The following DISP3 variants were observed in gnomAD, a reference collection of about 807,000 sequenced individuals.
DISP3 encodes the protein protein dispatched homolog 3.
A neutral mutation model predicts 135.3 loss-of-function variants in DISP3; 101 were observed. That is an observed-to-expected ratio of 0.75 (90% confidence interval 0.64 to 0.88). The LOEUF (loss-of-function observed/expected upper bound fraction) is 0.88. Ranked by LOEUF, DISP3 falls within the 40% of genes least tolerant of loss-of-function variation. DISP3 has a pLI of 0.00. For synonymous variants in DISP3, 856 were observed against 817.0 expected (o/e 1.05, Z -0.81); for missense variants, 1,713 against 1,878.6 (o/e 0.91, Z 1.63).
At position 11,483,289 on chromosome 1, in the gene DISP3, G is replaced by A. The variant is rs960222237; in HGVS notation, c.-4+3917G>A. Among the ~76,000 whole-genome samples, 8 of 152,342 alleles carry A rather than the reference G, an allele frequency of 5.3e-5. No individual in the cohort carries two copies. In the South Asian group the frequency reaches 8.3e-4, roughly 16 times the overall value. ...CATGGCTGATGGCCTCAGGTCCTCC[G>A]CCTTATGATGGGAGGCTGGTGATAA... On this transcript the variant is annotated intron_variant, in intron 1 of 20. Transcript: ENST00000294484. This position sits in a 1 kb window ranked among gnomAD's most constrained non-coding sequence, Gnocchi z 5.4.
At chr1:11,525,378 A>G in intron 12 of DISP3, 66 bp downstream of exon 12, 1 of 1,549,870 alleles carries the variant, frequency 6.5e-7, no homozygotes, top group Admixed American at 1.9e-5. Context: ...TCAGGGCCAC[A>G]CTGGTGGGCA....
rs188822901 is a variant in DISP3 at position 11,488,843 on chromosome 1, C to G, written c.-4+9471C>G. On this transcript the variant is annotated intron_variant, in intron 1 of 20. Transcript: ENST00000294484. ...ATAAGTCCCTTCACTTCCTTAGCCTCAGTTTTCTTGTCTGCAAATTGGAAA... is the reference window on the plus strand; with the variant it reads ...ATAAGTCCCTTCACTTCCTTAGCCTGAGTTTTCTTGTCTGCAAATTGGAAA... 1.1e-4 allele frequency among the ~76,000 whole-genome samples: 17 copies of G among 152,340 alleles called. No homozygotes were observed. In the East Asian group the frequency reaches 3.3e-3, roughly 29 times the overall value.
rs1189225634 is a variant in DISP3 at position 11,530,770 on chromosome 1, G to T, written c.3103-137G>T. 5.5e-5 allele frequency: 66 copies of T among 1,204,140 alleles called. 1 individual carries two copies. The South Asian group carries it at 8.0e-4, about 15-fold the overall frequency. The allele number at this position is 1,204,140 out of a possible 1,614,324, so 74.6% of individuals were successfully genotyped here. A position where few individuals can be genotyped will look rare whatever the true frequency, so the allele number is the denominator to read the frequency against. On this transcript the variant is annotated intron_variant, in intron 15 of 20. Transcript: ENST00000294484. Reference sequence around the variant, plus strand: ...GTTAGGGTGGAGCAGTGGGTGAGCAGTTGCAGGCTGCCAACATGAGGGTGA... The same window carrying T: ...GTTAGGGTGGAGCAGTGGGTGAGCATTTGCAGGCTGCCAACATGAGGGTGA...
intron 3 of DISP3, among the ~76,000 whole-genome samples, chr1:11,503,567 C>T (rs1641614571): frequency 6.6e-6 from 1 of 152,106 alleles, no homozygotes; most frequent in African/African-American, 2.4e-5. Flanking sequence ...TGTCCCAGCT[C>T]CAGGGGGGAA....
chr1:11,521,443 G>A (rs561171065), intron 10 of DISP3, among the ~76,000 whole-genome samples: 3 of 130,410 alleles, frequency 2.3e-5, no homozygotes, highest in African/African-American at 8.8e-5. Context: ...GCTGGGAGGG[G>A]AGAGGAGGGA....
chr1:11,531,081 CTG>C lies in DISP3; in HGVS notation c.3229+49_3229+50del. ...GTTCCTCCGAGGGAGGATGGACTGACTGGGGAGGCACAGAGGCCGTGGTCCAA... is the reference window on the plus strand; with the variant it reads ...GTTCCTCCGAGGGAGGATGGACTGACGGGAGGCACAGAGGCCGTGGTCCAA... On this transcript the variant is annotated intron_variant, in intron 16 of 20. Transcript: ENST00000294484. This position sits in a 1 kb window ranked among gnomAD's most constrained non-coding sequence, Gnocchi z 5.2. The C allele has an allele frequency of 6.2e-7, 1 of 1,606,394 alleles. No individual in the cohort carries two copies. Among genetic ancestry groups the C allele is most frequent in the East Asian group, 2.2e-5 (1 of 44,822 alleles).
Position 11,529,795 on chromosome 1 carries a change from G to A in DISP3, c.2938G>A (p.Ala980Thr), listed in dbSNP as rs764929537. 1.9e-6 allele frequency: 3 copies of A among 1,613,384 alleles called. No homozygotes were observed. Among genetic ancestry groups the A allele is most frequent in the African/African-American group, 1.3e-5 (1 of 75,050 alleles). ...TGACTCCCTGTTCGCAGTGCCCAAGGCCCGTCTCTCAGCCACCTTCGGCTT... is the reference window on the plus strand; with the variant it reads ...TGACTCCCTGTTCGCAGTGCCCAAGACCCGTCTCTCAGCCACCTTCGGCTT... ...FFVPSEKVPK[A>T]RLSATFGFNP... The change falls in exon 15 of 21, where the codon GCC becomes ACC. Residue 980 changes from alanine (A) to threonine (T), a missense_variant. Transcript: ENST00000294484. The surrounding 1 kb of genome is among the most constrained non-coding windows in gnomAD (Gnocchi z 4.7).
rs1242817189 is a variant in DISP3, at chr1:11,520,642, C to A, written c.2201-45C>A. 4 of 1,593,242 alleles carry A rather than the reference C, an allele frequency of 2.5e-6. No homozygotes were observed. Among genetic ancestry groups the A allele is most frequent in the African/African-American group, 2.7e-5 (2 of 74,714 alleles). On this transcript the variant is annotated intron_variant, in intron 9 of 20. Coordinates refer to ENST00000294484, the MANE Select transcript of DISP3 (RefSeq NM_020780.2). This position sits in a 1 kb window ranked among gnomAD's most constrained non-coding sequence, Gnocchi z 4.8. The stretch of plus-strand genomic sequence containing the variant: ...ACTTTGGAGCCCCACTGGGAACAGA[C>A]CAGCTGGGCCCAGCCCCGCCTGGTG...
In DISP3 at chr1:11,491,516, G is replaced by A. The variant is rs35871290; in HGVS notation, c.-3-9474G>A. Among the ~76,000 whole-genome samples the A allele has an allele frequency of 0.12, 18,439 of 151,902 alleles. 1,216 individuals carry two copies. Among genetic ancestry groups the A allele is most frequent in the East Asian group, 0.21 (1,066 of 5,126 alleles). ...GTCTCAGCTACTTGGGAGGCTGAGC[G>A]GGGAGGACCACTCGAGCCCGGGAGG... On this transcript the variant is annotated intron_variant, in intron 1 of 20. Coordinates refer to ENST00000294484, the MANE Select transcript of DISP3 (RefSeq NM_020780.2). The surrounding 1 kb of genome is among the most constrained non-coding windows in gnomAD (Gnocchi z 4.3).
In DISP3 at chr1:11,499,882, C is replaced by G. The variant is rs1195202017; in HGVS notation, c.-3-1108C>G. Among the ~76,000 whole-genome samples the G allele has an allele frequency of 6.6e-6, 1 of 152,260 alleles. No individual in the cohort carries two copies. The highest frequency in any genetic ancestry group is 2.1e-4 in the South Asian group (1 of 4,832). On this transcript the variant is annotated intron_variant, in intron 1 of 20. Coordinates refer to ENST00000294484, the MANE Select transcript of DISP3 (RefSeq NM_020780.2). The surrounding 1 kb of genome is among the most constrained non-coding windows in gnomAD (Gnocchi z 5.2). ...CAAAGAATGTTAATAGGAAAGGCAG[C>G]ATTAATTAGCTAGCGCTAGCACAAT... is the stretch of plus-strand genomic sequence containing the variant.
chr1:11,508,185 G>T (rs771188415), intron 3 of DISP3, among the ~76,000 whole-genome samples: 2 of 152,168 alleles, frequency 1.3e-5, no homozygotes, highest in East Asian at 3.8e-4. Flanking sequence ...TACTTGGAAG[G>T]CTGAGGCAGG....
In DISP3 at chr1:11,536,981, T is replaced by C; in HGVS notation, c.*295T>C. On this transcript the variant is annotated 3_prime_UTR_variant, in exon 21 of 21. Coordinates refer to ENST00000294484, the MANE Select transcript of DISP3 (RefSeq NM_020780.2). This position sits in a 1 kb window ranked among gnomAD's most constrained non-coding sequence, Gnocchi z 4.3. Reference sequence around the variant, plus strand: ...TGCCCGGTCACCATGGGGGTCAGGTTATTTTTGTAGGGGGTCTCCCTCTCA... The same window carrying C: ...TGCCCGGTCACCATGGGGGTCAGGTCATTTTTGTAGGGGGTCTCCCTCTCA... 1 of 435,860 alleles carries C rather than the reference T, an allele frequency of 2.3e-6. No homozygotes were observed. The highest frequency in any genetic ancestry group is 4.1e-6 in the Non-Finnish European group (1 of 243,548). 27.0% of individuals were successfully genotyped at this position (435,860 alleles called of 1,614,324 possible). A position where few individuals can be genotyped will look rare whatever the true frequency, so the allele number is the denominator to read the frequency against.
intron 2 of DISP3, among the ~76,000 whole-genome samples, chr1:11,502,332 G>A (rs1450971447): frequency 6.6e-6 from 1 of 152,230 alleles, no homozygotes; most frequent in Admixed American, 6.5e-5. Flanking sequence ...TTCTGCTGTG[G>A]TCAGAGGTAG....
chr1:11,515,860 C>G, intron 5 of DISP3, 141 bp from the exon 6 acceptor site: 1 of 1,026,950 alleles, frequency 9.7e-7, no homozygotes, highest in South Asian at 1.7e-5. Flanking sequence ...AGAGGGGTCT[C>G]TCCAAACTGT....
rs1570072321 is a variant in DISP3 at position 11,495,939 on chromosome 1, C to G, written c.-3-5051C>G. On this transcript the variant is annotated intron_variant, in intron 1 of 20. Transcript: ENST00000294484. ...GCAAAATCCCTTCCCCACACATACACACATATTCTATTTTTAAATAACATT... is the reference window on the plus strand; with the variant it reads ...GCAAAATCCCTTCCCCACACATACAGACATATTCTATTTTTAAATAACATT... Among the ~76,000 whole-genome samples, 3 of 152,322 alleles carry G rather than the reference C, an allele frequency of 2.0e-5. No individual in the cohort carries two copies. In the South Asian group the frequency reaches 6.2e-4, roughly 32 times the overall value.
At chr1:11,512,257 GT>G (rs1000914614) in intron 3 of DISP3, among the ~76,000 whole-genome samples, 19 of 149,766 alleles carry the variant, frequency 1.3e-4, no homozygotes, top group East Asian at 1.2e-3. Context: ...CAGAAAATGG[GT>G]TTTTTTTTTC....
At chr1:11,509,495 GA>G (rs1281254655) in intron 3 of DISP3, among the ~76,000 whole-genome samples, 2 of 152,098 alleles carry the variant, frequency 1.3e-5, no homozygotes, top group African/African-American at 2.4e-5. Context: ...GAGAGATATT[GA>G]AATATCTATC....
intron 2 of DISP3, 126 bp from the exon 3 acceptor site, chr1:11,502,552 G>GTT (rs1223244827): frequency 9.3e-6 from 7 of 753,666 alleles, no homozygotes; most frequent in Admixed American, 2.8e-5. Context: ...CTGGGGTGGA[G>GTT]TTTTGGTGGA....
At chr1:11,502,153 TGGCCCAGGCCA>T (rs1641559726) in intron 2 of DISP3, 65 bp downstream of exon 2, 8 of 1,503,324 alleles carry the variant, frequency 5.3e-6, no homozygotes, top group East Asian at 2.3e-5. Context: ...TATGGAGATT[TGGCCCAGGCCA>T]GGCCCAGGCC....
Sources: gnomAD v4.1 joint callset for allele counts (sites outside exome capture counted in the v4.1 genomes callset) on GRCh38, gnomAD v4.1.1 for gene constraint, Gnocchi (gnomAD v3.1) non-coding constraint, MANE v1.5 for transcripts, NCBI Gene and HGNC (gene_info 2026-07-23, HGNC 2026-07-21) for gene names.